Variants in WDR72 observed in about 807,000 individuals in gnomAD.
WDR72 encodes the protein WD repeat domain 72, also known as WD repeat-containing protein 72.
WDR72 carries 120 observed loss-of-function variants against 124.2 expected under a neutral mutation model. That is an observed-to-expected ratio of 0.97 (90% confidence interval 0.83 to 1.12). The LOEUF is 1.12. WDR72 is among the 50% of genes most tolerant of loss of function. WDR72 has a pLI of 0.00. For synonymous variants in WDR72, 452 were observed against 441.7 expected (o/e 1.02, Z -0.29); for missense variants, 1,387 against 1,278.8 (o/e 1.08, Z -1.29).
chr15:53,711,100 T>C (rs2017523153), intron 8 of WDR72, 147 bp from the exon 9 acceptor site: 8 of 910,648 alleles, frequency 8.8e-6, no homozygotes, highest in Non-Finnish European at 1.4e-5. Flanking sequence ...TACAAGTGAC[T>C]TTTTGAAAAC....
At chr15:53,656,325 A>C (rs2015419442) in intron 14 of WDR72, among the ~76,000 whole-genome samples, 1 of 152,220 alleles carries the variant, frequency 6.6e-6, no homozygotes, top group South Asian at 2.1e-4. Context: ...ATCACTATTA[A>C]AACAGAATTC....
intron 14 of WDR72, among the ~76,000 whole-genome samples, chr15:53,624,246 T>G (rs1368245957): frequency 6.6e-6 from 1 of 152,206 alleles, no homozygotes; most frequent in Non-Finnish European, 1.5e-5. Flanking sequence ...CCAGGTTACA[T>G]AGATCCGTAT....
intron 6 of WDR72, among the ~76,000 whole-genome samples, chr15:53,713,121 A>G (rs1461584929): frequency 2.6e-5 from 4 of 151,820 alleles, no homozygotes; most frequent in African/African-American, 9.7e-5. Flanking sequence ...ATTTACCTGT[A>G]TAACAAACCT....
At chr15:53,627,502 C>T (rs968712325) in intron 14 of WDR72, among the ~76,000 whole-genome samples, 3 of 152,130 alleles carry the variant, frequency 2.0e-5, no homozygotes, top group African/African-American at 7.2e-5. Context: ...GATAGCAGAA[C>T]TCTGAGTCAT....
At chr15:53,620,464 A>G (rs1019054513) in intron 14 of WDR72, among the ~76,000 whole-genome samples, 1 of 152,046 alleles carries the variant, frequency 6.6e-6, no homozygotes, top group Non-Finnish European at 1.5e-5. Context: ...AAAAATAGTA[A>G]TCAAAATGGC....
chr15:53,624,493 T>C (rs977563378), intron 14 of WDR72, among the ~76,000 whole-genome samples: 4 of 152,202 alleles, frequency 2.6e-5, no homozygotes, highest in Non-Finnish European at 5.9e-5. Flanking sequence ...ATCACAGCAA[T>C]GATTCGAGCA....
intron 17 of WDR72, among the ~76,000 whole-genome samples, chr15:53,608,673 T>G (rs1212175770): frequency 5.3e-5 from 8 of 152,104 alleles, no homozygotes; most frequent in Admixed American, 4.6e-4. Flanking sequence ...GGAGGATCAC[T>G]TGAGCCTGGA....
chr15:53,596,361 C>T (rs2012774115), intron 18 of WDR72, among the ~76,000 whole-genome samples: 1 of 152,034 alleles, frequency 6.6e-6, no homozygotes, highest in East Asian at 1.9e-4. Flanking sequence ...AATCATAGAA[C>T]ATTTTACAAC....
chr15:53,676,588 C>T (rs1050420926), intron 13 of WDR72, among the ~76,000 whole-genome samples: 2 of 152,270 alleles, frequency 1.3e-5, no homozygotes, highest in East Asian at 1.9e-4. Context: ...CTCAGACCTA[C>T]AAGTGAAAAG....
chr15:53,710,554 T>A (rs892446695), intron 9 of WDR72, among the ~76,000 whole-genome samples: 12 of 152,218 alleles, frequency 7.9e-5, no homozygotes, highest in African/African-American at 2.9e-4. Context: ...TCTCAGTGAA[T>A]ATGTACTGCG....
Position 53,717,250 on chromosome 15 carries a change from A to G in WDR72, c.261-565T>C, listed in dbSNP as rs566644254. Among the ~76,000 whole-genome samples, 7 of 152,278 alleles carry G rather than the reference A, an allele frequency of 4.6e-5. No homozygotes were observed. In the East Asian group the frequency reaches 1.2e-3, roughly 25 times the overall value. On this transcript the variant is annotated intron_variant, in intron 3 of 19. Transcript: ENST00000360509. ...TTGAAAACTCTTACTTCGTTTATGT[A>G]TTACAAAGACATAGTTTTAAAATAC...
At chr15:53,731,623 C>A (rs1161181138) in intron 2 of WDR72, among the ~76,000 whole-genome samples, 1 of 151,290 alleles carries the variant, frequency 6.6e-6, no homozygotes, top group East Asian at 2.0e-4. Context: ...AGAAGACTTG[C>A]TCCTAAGAGA....
chr15:53,553,410 T>C (rs1302278615), intron 18 of WDR72, among the ~76,000 whole-genome samples: 1 of 152,176 alleles, frequency 6.6e-6, no homozygotes, highest in Non-Finnish European at 1.5e-5. Context: ...TTTCGTGTTA[T>C]GTAGCACGGG....
At chr15:53,578,761 A>ACAAT (rs1379970147) in intron 18 of WDR72, among the ~76,000 whole-genome samples, 1 of 152,092 alleles carries the variant, frequency 6.6e-6, no homozygotes, top group African/African-American at 2.4e-5. Flanking sequence ...AAACAAACAA[A>ACAAT]CAAAATCCAA....
At position 53,515,844 on chromosome 15, in the gene WDR72, TATAAAA is replaced by T. The variant is rs1482934402; in HGVS notation, c.*1849_*1854del. Reference sequence around the variant, plus strand: ...CTAAAAGGGAATAATAGGATGTAGCTATAAAAATAATGAAGCTTATTTTTCATAAAC... The same window carrying T: ...CTAAAAGGGAATAATAGGATGTAGCTATAATGAAGCTTATTTTTCATAAAC... On this transcript the variant is annotated 3_prime_UTR_variant, in exon 20 of 20. Coordinates refer to ENST00000360509, the MANE Select transcript of WDR72 (RefSeq NM_182758.4). The T allele has an allele frequency of 1.3e-5, 2 of 152,160 alleles. No homozygotes were observed. Among genetic ancestry groups the T allele is most frequent in the African/African-American group, 2.4e-5 (1 of 41,452 alleles). The allele number at this position is 152,160 out of a possible 1,614,324, so 9.4% of individuals were successfully genotyped here.
At chr15:53,551,820 C>G (rs1893740392) in intron 18 of WDR72, among the ~76,000 whole-genome samples, 1 of 151,956 alleles carries the variant, frequency 6.6e-6, no homozygotes, top group Non-Finnish European at 1.5e-5. Flanking sequence ...ATGTAGGATA[C>G]CAATTCAGAT....
At chr15:53,733,281 T>C (rs748562395) in intron 1 of WDR72, 120 bp from the exon 2 acceptor site, 27 of 1,079,224 alleles carry the variant, frequency 2.5e-5, no homozygotes, top group Non-Finnish European at 3.3e-5. Context: ...CCCAGTGCTA[T>C]GGAAAAGGGT....
At chr15:53,579,800 A>AC (rs1483435307) in intron 18 of WDR72, among the ~76,000 whole-genome samples, 3 of 151,832 alleles carry the variant, frequency 2.0e-5, no homozygotes, top group Non-Finnish European at 4.4e-5. Context: ...AAGTTCTAAC[A>AC]CCCCTCCTGT....
upstream of WDR72, among the ~76,000 whole-genome samples, chr15:53,761,687 C>A (rs948146281): frequency 1.3e-5 from 2 of 151,994 alleles, no homozygotes; most frequent in Non-Finnish European, 2.9e-5. Flanking sequence ...ATTAGCCAGG[C>A]GTGGTGGCTG....
Sources: gnomAD v4.1 joint callset for allele counts (sites outside exome capture counted in the v4.1 genomes callset) on GRCh38, gnomAD v4.1.1 for gene constraint, MANE v1.5 for transcripts, NCBI Gene and HGNC (gene_info 2026-07-23, HGNC 2026-07-21) for gene names.